Variants in ECT2L observed in about 807,000 individuals in gnomAD.
ECT2L encodes epithelial cell-transforming sequence 2 oncogene-like.
In ECT2L, 126 loss-of-function variants were observed where a neutral mutation model predicts 122.8. The observed-to-expected ratio is 1.03, with a 90% CI of 0.89 to 1.19. The LOEUF (loss-of-function observed/expected upper bound fraction) is 1.19. ECT2L is among the 50% of genes most tolerant of loss of function. The pLI is 0.00. For synonymous variants in ECT2L, 385 were observed against 381.8 expected (o/e 1.01, Z -0.10); for missense variants, 1,012 against 1,064.1 (o/e 0.95, Z 0.68).
intron 14 of ECT2L, among the ~76,000 whole-genome samples, chr6:138,880,345 A>G (rs1582651407): frequency 6.6e-6 from 1 of 152,110 alleles, no homozygotes; most frequent in Non-Finnish European, 1.5e-5. Context: ...CCCTCTGCCA[A>G]GCCCCTTTCT....
chr6:138,819,690 A>C (rs1445137316), intron 4 of ECT2L, among the ~76,000 whole-genome samples: 2 of 152,148 alleles, frequency 1.3e-5, no homozygotes, highest in African/African-American at 4.8e-5. Flanking sequence ...GTAGCTCTCT[A>C]GGAGGAAGGA....
At chr6:138,875,207 C>G (rs1263765792) in intron 13 of ECT2L, among the ~76,000 whole-genome samples, 2 of 152,190 alleles carry the variant, frequency 1.3e-5, no homozygotes, top group Non-Finnish European at 2.9e-5. Flanking sequence ...AGAAGACTCC[C>G]TGGAGCAGAC....
At chr6:138,900,270 G>A (rs573947728) in intron 20 of ECT2L, among the ~76,000 whole-genome samples, 8 of 150,082 alleles carry the variant, frequency 5.3e-5, no homozygotes, top group South Asian at 2.1e-4. Flanking sequence ...TTTTTGAGGC[G>A]GAGTCTCGCC....
intron 10 of ECT2L, among the ~76,000 whole-genome samples, chr6:138,855,983 GCTTT>G (rs1201575883): frequency 1.3e-5 from 2 of 152,096 alleles, no homozygotes; most frequent in Non-Finnish European, 2.9e-5. Context: ...CAAAAAATAG[GCTTT>G]CTATCACCAT....
intron 4 of ECT2L, among the ~76,000 whole-genome samples, chr6:138,836,195 G>C (rs1776831544): frequency 6.6e-6 from 1 of 151,096 alleles, no homozygotes; most frequent in Non-Finnish European, 1.5e-5. Context: ...CAATTTAAAA[G>C]TATTTGATTA....
intron 13 of ECT2L, among the ~76,000 whole-genome samples, chr6:138,869,286 G>A (rs966891967): frequency 6.6e-6 from 1 of 152,218 alleles, no homozygotes; most frequent in Admixed American, 6.5e-5. Context: ...TAGTTTCCAA[G>A]GAATTCTCAA....
chr6:138,807,653 TAACA>T (rs1775756139), intron 1 of ECT2L, among the ~76,000 whole-genome samples: 1 of 152,228 alleles, frequency 6.6e-6, no homozygotes, highest in South Asian at 2.1e-4. Context: ...TATTGCTGGA[TAACA>T]AACCATCCCA....
At chr6:138,837,779 A>G (rs1776892170) in intron 4 of ECT2L, among the ~76,000 whole-genome samples, 1 of 152,140 alleles carries the variant, frequency 6.6e-6, no homozygotes, top group African/African-American at 2.4e-5. Context: ...AAAAGGTTTT[A>G]TAGTCTTTTT....
chr6:138,851,738 T>C (rs1345183529), intron 9 of ECT2L, among the ~76,000 whole-genome samples: 1 of 152,164 alleles, frequency 6.6e-6, no homozygotes, highest in Non-Finnish European at 1.5e-5. Flanking sequence ...AAATATATGA[T>C]TTGCAAATAT....
At chr6:138,893,165 T>G (rs745502217) in intron 20 of ECT2L, among the ~76,000 whole-genome samples, 16 of 142,990 alleles carry the variant, frequency 1.1e-4, no homozygotes, top group Admixed American at 4.7e-4. Flanking sequence ...TGCTTCTCAG[T>G]TTTTTTTTGT....
chr6:138,877,865 C>T (rs774726693), intron 14 of ECT2L, among the ~76,000 whole-genome samples: 1 of 152,096 alleles, frequency 6.6e-6, no homozygotes, highest in African/African-American at 2.4e-5. Context: ...TGCAGTGAGC[C>T]ATGAGTGCAC....
intron 20 of ECT2L, among the ~76,000 whole-genome samples, chr6:138,893,753 G>C (rs568261689): frequency 5.9e-5 from 9 of 152,162 alleles, no homozygotes; most frequent in African/African-American, 2.2e-4. Context: ...GCTCTTCATT[G>C]CAAGAATCTG....
In ECT2L at chr6:138,881,056, A is replaced by G. The variant is rs1446568322; in HGVS notation, c.1765A>G (p.Arg589Gly). ...RKYVQILEIVRDVYVAPLKAA... is the reference protein window; with the variant it reads ...RKYVQILEIVGDVYVAPLKAA... Reference sequence around the variant, plus strand: ...ATACGTGCAGATACTGGAAATTGTGAGAGATGTTTATGTCGCACCACTGAA... The same window carrying G: ...ATACGTGCAGATACTGGAAATTGTGGGAGATGTTTATGTCGCACCACTGAA... The change falls in exon 15 of 22, where the codon AGA (arginine) becomes GGA (glycine). Residue 589 changes from arginine (R) to glycine (G), a missense_variant. Physicochemically the swap from Arg to Gly is moderately radical, Grantham distance 125. Transcript: ENST00000541398. The G allele has an allele frequency of 1.9e-6, 3 of 1,613,942 alleles. No individual in the cohort carries two copies. The highest frequency in any genetic ancestry group is 1.7e-6 in the Non-Finnish European group (2 of 1,179,924).
At chr6:138,801,694 G>C (rs1022641528) in intron 1 of ECT2L, among the ~76,000 whole-genome samples, 6 of 152,178 alleles carry the variant, frequency 3.9e-5, no homozygotes, top group Non-Finnish European at 1.5e-5. Flanking sequence ...GGTGGAAGTT[G>C]CAGTGAGCCA....
At chr6:138,820,150 T>C (rs1318324987) in intron 4 of ECT2L, among the ~76,000 whole-genome samples, 1 of 152,164 alleles carries the variant, frequency 6.6e-6, no homozygotes, top group African/African-American at 2.4e-5. Context: ...GGCTGGTAAG[T>C]AACCCCCACC....
chr6:138,882,434 G>A (rs935080712), intron 15 of ECT2L, among the ~76,000 whole-genome samples: 4 of 152,184 alleles, frequency 2.6e-5, no homozygotes, highest in African/African-American at 9.7e-5. Flanking sequence ...CTATCTGGAG[G>A]CAAGAGACTA....
At chr6:138,837,515 G>A (rs1027342625) in intron 4 of ECT2L, among the ~76,000 whole-genome samples, 4 of 152,090 alleles carry the variant, frequency 2.6e-5, no homozygotes, top group African/African-American at 9.7e-5. Context: ...CCAGCTTTGT[G>A]TCAAAAGAAG....
intron 12 of ECT2L, among the ~76,000 whole-genome samples, chr6:138,865,565 C>A (rs1265835696): frequency 6.6e-6 from 1 of 152,172 alleles, no homozygotes; most frequent in Non-Finnish European, 1.5e-5. Context: ...AATTAAAGTT[C>A]TATTTATTTT....
chr6:138,880,479 T>C (rs1778608118), intron 14 of ECT2L, among the ~76,000 whole-genome samples: 1 of 152,210 alleles, frequency 6.6e-6, no homozygotes, highest in Non-Finnish European at 1.5e-5. Context: ...ATTCAAACTG[T>C]AGCAGAGGGC....
Sources: allele counts gnomAD v4.1 joint callset (sites outside exome capture counted in the v4.1 genomes callset), GRCh38; gene constraint gnomAD v4.1.1; transcripts MANE v1.5; gene names NCBI Gene and HGNC (gene_info 2026-07-23, HGNC 2026-07-21).